The following PRSS35 variants were observed in gnomAD, a reference collection of about 807,000 sequenced individuals.
PRSS35 encodes serine protease 35, also known as inactive serine protease 35.
PRSS35 carries 7 observed loss-of-function variants against 8.1 expected under a neutral mutation model. The observed-to-expected ratio is 0.86, with a 90% CI of 0.49 to 1.62. The LOEUF (loss-of-function observed/expected upper bound fraction) is 1.62. Among genes scored for constraint, PRSS35 ranks in the 40% most tolerant of loss-of-function variants. The pLI is 0.00. For missense variants in PRSS35, 566 were observed against 518.0 expected (o/e 1.09, Z -0.90); for synonymous variants, 199 against 188.7 (o/e 1.05, Z -0.45).
intron 1 of PRSS35, among the ~76,000 whole-genome samples, chr6:83,520,172 T>A (rs944775726): frequency 6.6e-6 from 1 of 152,168 alleles, no homozygotes; most frequent in East Asian, 1.9e-4. Flanking sequence ...AAGCATAAAG[T>A]CAGAATAAAT....
At chr6:83,514,363 CCAAA>C (rs1273306549) in intron 1 of PRSS35, among the ~76,000 whole-genome samples, 2 of 152,152 alleles carry the variant, frequency 1.3e-5, no homozygotes, top group African/African-American at 2.4e-5. Flanking sequence ...AAAATAGCCC[CCAAA>C]CAAAGGGAGG....
chr6:83,524,195 A>G lies in PRSS35; in HGVS notation c.754A>G (p.Thr252Ala). The change falls in exon 2 of 2, where the codon ACC becomes GCC. Residue 252 changes from threonine (T) to alanine (A), a missense_variant. By Grantham distance (58) the Thr-to-Ala change is moderately conservative. Coordinates refer to ENST00000369700, the MANE Select transcript of PRSS35 (RefSeq NM_153362.3). ...CGAAGGGAGGCCTTCCTTTCAGTGG[A>G]CCCGGGTCAAGAATACCCACATTCC... ...IAEGRPSFQW[T>A]RVKNTHIPKG... 1 of 1,613,996 alleles carries G rather than the reference A, an allele frequency of 6.2e-7. No individual in the cohort carries two copies. The highest frequency in any genetic ancestry group is 8.5e-7 in the Non-Finnish European group (1 of 1,179,988).
At position 83,523,874 on chromosome 6, in the gene PRSS35, A is replaced by G. The variant is rs746203891; in HGVS notation, c.433A>G (p.Ser145Gly). Reference sequence around the variant, plus strand: ...AAGGTTCTTAACCAATTTCCCTTTCAGCACAGCTGTGAAGCTTTCCACGGG... The same window carrying G: ...AAGGTTCTTAACCAATTTCCCTTTCGGCACAGCTGTGAAGCTTTCCACGGG... ...DKRFLTNFPF[S>G]TAVKLSTGCS... The change falls in exon 2 of 2, where the codon AGC becomes GGC. Residue 145 changes from serine (S) to glycine (G), a missense_variant. Ser to Gly is a moderately conservative substitution (Grantham distance 56, BLOSUM62 0). Transcript: ENST00000369700. 2 of 1,614,222 alleles carry G rather than the reference A, an allele frequency of 1.2e-6. No homozygotes were observed. The highest frequency in any genetic ancestry group is 1.1e-5 in the South Asian group (1 of 91,084).
At chr6:83,514,129 A>G (rs1209548114) in intron 1 of PRSS35, among the ~76,000 whole-genome samples, 1 of 152,210 alleles carries the variant, frequency 6.6e-6, no homozygotes, top group Non-Finnish European at 1.5e-5. Flanking sequence ...AGCTAAAAAC[A>G]TTGTGACCAT....
chr6:83,523,487 A>G lies in PRSS35; in HGVS notation c.46A>G (p.Thr16Ala). 1 of 1,614,104 alleles carries G rather than the reference A, an allele frequency of 6.2e-7. No homozygotes were observed. The highest frequency in any genetic ancestry group is 8.5e-7 in the Non-Finnish European group (1 of 1,180,010). Reference protein sequence around the residue: ...LWLIFFTPGWTLIDGSEMEWD... With the variant: ...LWLIFFTPGWALIDGSEMEWD... ...GTTGATATTTTTCACCCCTGGGTGG[A>G]CCCTCATTGATGGATCTGAAATGGA... Residue 16 changes from threonine (T) to alanine (A), a missense_variant, in exon 2 of 2, where the codon ACC becomes GCC. Thr to Ala is a moderately conservative substitution (Grantham distance 58). Coordinates refer to ENST00000369700, the MANE Select transcript of PRSS35 (RefSeq NM_153362.3).
chr6:83,518,750 C>T (rs1199708006), intron 1 of PRSS35, among the ~76,000 whole-genome samples: 1 of 152,138 alleles, frequency 6.6e-6, no homozygotes, highest in Non-Finnish European at 1.5e-5. Flanking sequence ...GATACAAATT[C>T]ACCAATTAAG....
In PRSS35 at chr6:83,523,449, A is replaced by G. The variant is rs368986869; in HGVS notation, c.8A>G (p.Asn3Ser). ME[N>S]MLLWLIFFTP... ...CAAAATTAGAAGATCAAAATGGAAA[A>G]TATGCTGCTTTGGTTGATATTTTTC... The change falls in exon 2 of 2, where the codon AAT becomes AGT. Residue 3 changes from asparagine (N) to serine (S), a missense_variant. Coordinates refer to ENST00000369700, the MANE Select transcript of PRSS35 (RefSeq NM_153362.3). The G allele has an allele frequency of 6.2e-7, 1 of 1,607,570 alleles. No individual in the cohort carries two copies. The highest frequency in any genetic ancestry group is 8.5e-7 in the Non-Finnish European group (1 of 1,177,424).
intron 1 of PRSS35, among the ~76,000 whole-genome samples, chr6:83,519,248 T>G (rs185865242): frequency 6.6e-6 from 1 of 152,346 alleles, no homozygotes; most frequent in East Asian, 1.9e-4. Context: ...CTACTCAATC[T>G]GTCTTCAGGA....
At chr6:83,516,821 C>G (rs760782982) in intron 1 of PRSS35, among the ~76,000 whole-genome samples, 9 of 152,128 alleles carry the variant, frequency 5.9e-5, no homozygotes, top group Non-Finnish European at 1.0e-4. Flanking sequence ...ACTCTTAACC[C>G]GTCTGCCTCC....
At chr6:83,522,547 A>T (rs186765563) in intron 1 of PRSS35, among the ~76,000 whole-genome samples, 1 of 152,188 alleles carries the variant, frequency 6.6e-6, no homozygotes, top group Admixed American at 6.5e-5. Context: ...ATATCTAACC[A>T]TTCTCATGTC....
rs1771860808 is a variant in PRSS35 at position 83,523,527 on chromosome 6, G to T, written c.86G>T (p.Trp29Leu). 1.9e-6 allele frequency: 3 copies of T among 1,614,012 alleles called. No individual in the cohort carries two copies. In the South Asian group the frequency reaches 3.3e-5, roughly 18 times the overall value. ...DGSEMEWDFM[W>L]HLRKVPRIVS... ...TCTGAAATGGAATGGGATTTTATGT[G>T]GCACTTGAGAAAGGTACCCCGGATT... The change falls in exon 2 of 2, where the codon TGG (tryptophan) becomes TTG (leucine). Residue 29 changes from tryptophan to leucine, a missense_variant. Physicochemically the swap from Trp to Leu is moderately conservative, Grantham distance 61. Transcript: ENST00000369700.
chr6:83,513,762 A>G (rs1771665147), intron 1 of PRSS35, among the ~76,000 whole-genome samples: 1 of 152,180 alleles, frequency 6.6e-6, no homozygotes, highest in Non-Finnish European at 1.5e-5. Flanking sequence ...CATGCTTTTA[A>G]GAAGCTTTTT....
intron 1 of PRSS35, among the ~76,000 whole-genome samples, chr6:83,522,268 G>A (rs9449651): frequency 0.022 from 3,397 of 152,066 alleles, 128 homozygotes; most frequent in African/African-American, 0.076. Flanking sequence ...AGCATAGTTG[G>A]CAAATACTAG....
chr6:83,520,912 C>T (rs1161734605), intron 1 of PRSS35, among the ~76,000 whole-genome samples: 1 of 152,148 alleles, frequency 6.6e-6, no homozygotes, highest in Non-Finnish European at 1.5e-5. Flanking sequence ...GTGTATTGCT[C>T]CTCAGATCAT....
At chr6:83,518,236 G>A (rs1389742308) in intron 1 of PRSS35, among the ~76,000 whole-genome samples, 2 of 152,050 alleles carry the variant, frequency 1.3e-5, no homozygotes, top group Non-Finnish European at 2.9e-5. Flanking sequence ...AAACACAAAA[G>A]AGAAACTGAG....
rs1771872114 is a variant in PRSS35 at position 83,523,846 on chromosome 6, CAAAAGGTTCTT to C, written c.408_418del (p.Lys136AsnfsTer16). 8.1e-6 allele frequency: 13 copies of C among 1,614,196 alleles called. No homozygotes were observed. Among genetic ancestry groups the C allele is most frequent in the African/African-American group, 1.3e-5 (1 of 75,050 alleles). ...CCGACAGCAGGTTCAGCATCTTGGACAAAAGGTTCTTAACCAATTTCCCTTTCAGCACAGCT... is the reference window on the plus strand; with the variant it reads ...CCGACAGCAGGTTCAGCATCTTGGACAACCAATTTCCCTTTCAGCACAGCT... On this transcript the variant is annotated frameshift_variant, in exon 2 of 2. Coordinates refer to ENST00000369700, the MANE Select transcript of PRSS35 (RefSeq NM_153362.3). LOFTEE classifies it low-confidence loss of function (END_TRUNC).
chr6:83,517,309 C>A (rs1246769296), intron 1 of PRSS35, among the ~76,000 whole-genome samples: 1 of 152,152 alleles, frequency 6.6e-6, no homozygotes, highest in Non-Finnish European at 1.5e-5. Flanking sequence ...TTCTTACTCC[C>A]CTTTTTTATT....
At chr6:83,519,604 AT>A (rs1771785462) in intron 1 of PRSS35, among the ~76,000 whole-genome samples, 1 of 152,194 alleles carries the variant, frequency 6.6e-6, no homozygotes, top group African/African-American at 2.4e-5. Flanking sequence ...CCACATTGAC[AT>A]TTTACCACAA....
In PRSS35 at chr6:83,523,762, G is replaced by A. The variant is rs779272227; in HGVS notation, c.321G>A (p.Pro107=). Residue 107 remains proline, a synonymous_variant, in exon 2 of 2, where the codon CCG becomes CCA. Transcript: ENST00000369700. ...AAGTTCAAGATTTGGTTCTTGAGCC[G>A]ACTCAAAATATCACCACAAAGGGAG... ...RVKVQDLVLE[P]TQNITTKGVS... 6.8e-6 allele frequency: 11 copies of A among 1,613,966 alleles called. No homozygotes were observed. The highest frequency in any genetic ancestry group is 9.3e-6 in the Non-Finnish European group (11 of 1,180,024).
Sources: allele counts gnomAD v4.1 joint callset (sites outside exome capture counted in the v4.1 genomes callset), GRCh38; gene constraint gnomAD v4.1.1; transcripts MANE v1.5; gene names NCBI Gene and HGNC (gene_info 2026-07-23, HGNC 2026-07-21).